SORCS3: variants seen among roughly 807,000 people sequenced by gnomAD.
The protein encoded by SORCS3 is VPS10 domain-containing receptor SorCS3.
A neutral mutation model predicts 146.3 loss-of-function variants in SORCS3; 57 were observed. The ratio of observed to expected loss-of-function variants is 0.39; its 90% confidence interval spans 0.31 to 0.49. The LOEUF (loss-of-function observed/expected upper bound fraction) is 0.49. SORCS3 is among the 20% of genes least tolerant of loss of function. SORCS3 has a pLI of 0.92. For synonymous variants in SORCS3, 653 were observed against 618.5 expected (o/e 1.06, Z -0.83); for missense variants, 1,341 against 1,575.5 (o/e 0.85, Z 2.52).
chr10:104,838,834 G>A (rs998087769), intron 1 of SORCS3, among the ~76,000 whole-genome samples: 1 of 152,018 alleles, frequency 6.6e-6, no homozygotes, highest in Admixed American at 6.6e-5. Flanking sequence ...AGGGTCCATC[G>A]AGTCAGACTT....
chr10:104,884,988 T>C (rs1380888430), intron 2 of SORCS3, among the ~76,000 whole-genome samples: 3 of 152,182 alleles, frequency 2.0e-5, no homozygotes, highest in Admixed American at 6.5e-5. Context: ...TCTTTGAAGA[T>C]GGTAGGAGGT....
intron 1 of SORCS3, among the ~76,000 whole-genome samples, chr10:104,662,508 GACTTGAGAGCTCCTT>G (rs1328847548): frequency 1.3e-5 from 2 of 152,200 alleles, no homozygotes; most frequent in Admixed American, 6.5e-5. Context: ...TGGACCATCT[GACTTGAGAGCTCCTT>G]ACTTGATGAG....
At chr10:104,902,810 A>G (rs1405583095) in intron 2 of SORCS3, among the ~76,000 whole-genome samples, 2 of 152,166 alleles carry the variant, frequency 1.3e-5, no homozygotes, top group African/African-American at 2.4e-5. Flanking sequence ...TGCCCATGTT[A>G]GATATGGGGA....
intron 2 of SORCS3, among the ~76,000 whole-genome samples, chr10:104,905,912 A>G: frequency 6.6e-6 from 1 of 152,208 alleles, no homozygotes; most frequent in East Asian, 1.9e-4. Context: ...AGTGCCTTCC[A>G]TGTGCAAGGC....
intron 1 of SORCS3, among the ~76,000 whole-genome samples, chr10:104,710,398 G>T (rs1360749877): frequency 6.6e-6 from 1 of 152,106 alleles, no homozygotes; most frequent in Non-Finnish European, 1.5e-5. Context: ...TATGTACCAG[G>T]CACTGTTCTG....
At chr10:105,150,732 C>A (rs946148366) in intron 9 of SORCS3, among the ~76,000 whole-genome samples, 9 of 152,136 alleles carry the variant, frequency 5.9e-5, no homozygotes, top group Non-Finnish European at 1.3e-4. Flanking sequence ...GTTATCTAGA[C>A]CATGACCATA....
chr10:104,812,019 A>G (rs986209940), intron 1 of SORCS3, among the ~76,000 whole-genome samples: 1 of 152,224 alleles, frequency 6.6e-6, no homozygotes, highest in Non-Finnish European at 1.5e-5. Context: ...TTGACAACCT[A>G]GAAAAAACAA....
chr10:105,112,959 C>A lies in SORCS3; in HGVS notation c.1212+7444C>A, dbSNP rs142725610. 9.3e-3 allele frequency among the ~76,000 whole-genome samples: 1,418 copies of A among 152,240 alleles called. 16 individuals carry two copies. The highest frequency in any genetic ancestry group is 0.032 in the African/African-American group (1,327 of 41,542). On this transcript the variant is annotated intron_variant, in intron 7 of 26. Coordinates refer to ENST00000369701, the MANE Select transcript of SORCS3 (RefSeq NM_014978.3). ...AGACATATAACTGAGAAAGAAGAAA[C>A]AACCTCACAAACAAAGGAGACCAGC...
intron 4 of SORCS3, among the ~76,000 whole-genome samples, chr10:105,009,723 T>C (rs969878464): frequency 6.6e-6 from 1 of 151,714 alleles, no homozygotes; most frequent in Non-Finnish European, 1.5e-5. Flanking sequence ...TTTTCAATAA[T>C]TTTTTTCACT....
intron 15 of SORCS3, among the ~76,000 whole-genome samples, 189 bp downstream of exon 15, chr10:105,200,305 A>G (rs141862866): frequency 2.6e-5 from 4 of 152,298 alleles, no homozygotes; most frequent in African/African-American, 7.2e-5. Context: ...TTTAGGAACT[A>G]TCTCGCACCC....
Position 105,221,404 on chromosome 10 carries a change from A to C in SORCS3, c.2735-1712A>C, listed in dbSNP as rs571303124. 1.2e-4 allele frequency among the ~76,000 whole-genome samples: 18 copies of C among 152,338 alleles called. No homozygotes were observed. The South Asian group carries it at 3.7e-3, about 32-fold the overall frequency. On this transcript the variant is annotated intron_variant, in intron 19 of 26. Coordinates refer to ENST00000369701, the MANE Select transcript of SORCS3 (RefSeq NM_014978.3). Reference sequence around the variant, plus strand: ...AGTGATGGCAGTGGTGGTGGTCGGCAGTAGTGGTAGAAATCATGACATTCT... The same window carrying C: ...AGTGATGGCAGTGGTGGTGGTCGGCCGTAGTGGTAGAAATCATGACATTCT...
rs1035361121 is a variant in SORCS3, at chr10:104,752,604, G to A, written c.628-90188G>A. On this transcript the variant is annotated intron_variant, in intron 1 of 26. Transcript: ENST00000369701. The stretch of plus-strand genomic sequence containing the variant: ...CCCTCTTCCATTTATTTGAGAAGAC[G>A]ATCTTAGGGATGTTAGGCGTGTCCC... 4.6e-5 allele frequency among the ~76,000 whole-genome samples: 7 copies of A among 152,188 alleles called. No homozygotes were observed. The South Asian group carries it at 6.2e-4, about 14-fold the overall frequency.
At chr10:105,202,565 T>C (rs901622118) in intron 16 of SORCS3, among the ~76,000 whole-genome samples, 4 of 152,172 alleles carry the variant, frequency 2.6e-5, no homozygotes, top group African/African-American at 4.8e-5. Flanking sequence ...TTAGTATTAA[T>C]TGCCGTACAA....
chr10:104,643,654 G>C (rs934643304), intron 1 of SORCS3, among the ~76,000 whole-genome samples: 1 of 151,944 alleles, frequency 6.6e-6, no homozygotes, highest in Non-Finnish European at 1.5e-5. Flanking sequence ...CCTCAGGGTT[G>C]ATTCTCTGAC....
intron 5 of SORCS3, among the ~76,000 whole-genome samples, chr10:105,070,219 A>T (rs1471845508): frequency 1.3e-5 from 2 of 152,220 alleles, no homozygotes; most frequent in Admixed American, 6.5e-5. Flanking sequence ...TATCAATATC[A>T]TCAGCATCTT....
Position 105,216,382 on chromosome 10 carries a change from G to C in SORCS3, c.2548-554G>C, listed in dbSNP as rs562046561. Among the ~76,000 whole-genome samples, 51 of 152,170 alleles carry C rather than the reference G, an allele frequency of 3.4e-4. 1 individual carries two copies. In the South Asian group the frequency reaches 0.01, roughly 31 times the overall value. On this transcript the variant is annotated intron_variant, in intron 18 of 26. Coordinates refer to ENST00000369701, the MANE Select transcript of SORCS3 (RefSeq NM_014978.3). ...TAGGAGCAATTACAACTATAGCATG[G>C]CAACTGAGGGCATTATTATTGAAAC...
intron 6 of SORCS3, among the ~76,000 whole-genome samples, chr10:105,103,947 G>A (rs181111499): frequency 1.3e-5 from 2 of 152,248 alleles, no homozygotes; most frequent in East Asian, 3.9e-4. Flanking sequence ...CTAATTCACT[G>A]CTTATTCCTA....
chr10:104,832,762 C>G (rs1431664124), intron 1 of SORCS3, among the ~76,000 whole-genome samples: 1 of 151,768 alleles, frequency 6.6e-6, no homozygotes, highest in Non-Finnish European at 1.5e-5. Flanking sequence ...AACGAACGAA[C>G]AGGTGTTTTG....
intron 15 of SORCS3, 98 bp from the exon 16 acceptor site, chr10:105,201,022 A>C: frequency 7.5e-7 from 1 of 1,342,278 alleles, no homozygotes; most frequent in Non-Finnish European, 1.0e-6. Flanking sequence ...TAAAGTACCT[A>C]AATGAGAATG....
Sources: gnomAD v4.1 joint callset for allele counts (sites outside exome capture counted in the v4.1 genomes callset) on GRCh38, gnomAD v4.1.1 for gene constraint, MANE v1.5 for transcripts, NCBI Gene and HGNC (gene_info 2026-07-23, HGNC 2026-07-21) for gene names.